Variants in FBLL1 observed in about 807,000 individuals in gnomAD.
The protein encoded by FBLL1 is fibrillarin like rRNA 2'-O-methyltransferase 1.
FBLL1 carries 6 observed loss-of-function variants against 5.7 expected under a neutral mutation model. The observed-to-expected ratio is 1.05, with a 90% CI of 0.57 to 2.07. The LOEUF is 2.07. FBLL1 is among the 30% of genes most tolerant of loss of function. The probability of loss-of-function intolerance (pLI) is 0.00; values close to 1 mark genes in which losing one functional copy is unlikely to be tolerated. For missense variants in FBLL1, 258 were observed against 165.2 expected (o/e 1.56, Z -3.08); for synonymous variants, 133 against 75.1 (o/e 1.77, Z -3.99).
chr5:168,530,307 A>G lies in FBLL1; in HGVS notation c.803A>G (p.Asn268Ser), dbSNP rs201483436. Residue 268 changes from asparagine to serine, a missense_variant, in exon 1 of 1, where the codon AAT (asparagine) becomes AGT (serine). By Grantham distance (46) the Asn-to-Ser change is conservative (BLOSUM62 1). Transcript: ENST00000338333. The surrounding 1 kb of genome is among the most constrained non-coding windows in gnomAD (Gnocchi z 4.9). Reference sequence around the variant, plus strand: ...CTGAACGCCCACACCTTCCTGCGCAATGGGGGCCACTTTCTCATCTCCATC... The same window carrying G: ...CTGAACGCCCACACCTTCCTGCGCAGTGGGGGCCACTTTCTCATCTCCATC... ...VALNAHTFLR[N>S]GGHFLISIKA... The G allele has an allele frequency of 1.8e-5, 14 of 765,702 alleles. No individual in the cohort carries two copies. The highest frequency in any genetic ancestry group is 2.9e-5 in the Non-Finnish European group (12 of 417,990). 47.4% of individuals were successfully genotyped at this position (765,702 alleles called of 1,614,324 possible).
chr5:168,529,591 C>A lies in FBLL1; in HGVS notation c.87C>A (p.Gly29=), dbSNP rs1455637855. 1 of 145,640 alleles carries A rather than the reference C, an allele frequency of 6.9e-6. No homozygotes were observed. Among genetic ancestry groups the A allele is most frequent in the Non-Finnish European group, 1.5e-5 (1 of 65,374 alleles). 9.0% of individuals were successfully genotyped at this position (145,640 alleles called of 1,614,324 possible). ...GCAGCTGGGGCGGGGGCCGAGGCGG[C>A]GGCGGCGGCGCGGGCAAGGGCGGCG... ...GWGSWGGGRG[G]GGGAGKGGGG... Residue 29 remains glycine, a synonymous_variant, in exon 1 of 1, where the codon GGC becomes GGA. Transcript: ENST00000338333. This position sits in a 1 kb window ranked among gnomAD's most constrained non-coding sequence, Gnocchi z 7.2.
Position 168,530,329 on chromosome 5 carries a change from C to T in FBLL1, c.825C>T (p.Ser275=), listed in dbSNP as rs766551431. The part of the protein sequence containing the change: ...FLRNGGHFLI[S]IKANCIDSTA... The stretch of plus-strand genomic sequence containing the variant: ...GCAATGGGGGCCACTTTCTCATCTC[C>T]ATCAAGGCCAACTGCATCGACTCCA... The change falls in exon 1 of 1, where the codon TCC becomes TCT. Residue 275 remains serine (S), a synonymous_variant. Transcript: ENST00000338333. The surrounding 1 kb of genome is among the most constrained non-coding windows in gnomAD (Gnocchi z 4.9). 1.3e-6 allele frequency: 1 copy of T among 765,672 alleles called. No individual in the cohort carries two copies. The highest frequency in any genetic ancestry group is 2.3e-4 in the Middle Eastern group (1 of 4,438). The allele number at this position is 765,672 out of a possible 1,614,324, so 47.4% of individuals were successfully genotyped here.
Position 168,530,123 on chromosome 5 carries a change from C to T in FBLL1, c.619C>T (p.Arg207Cys), listed in dbSNP as rs1294267010. 1.3e-6 allele frequency: 1 copy of T among 762,780 alleles called. No individual in the cohort carries two copies. Among genetic ancestry groups the T allele is most frequent in the Non-Finnish European group, 2.4e-6 (1 of 416,912 alleles). The allele number at this position is 762,780 out of a possible 1,614,324, so 47.3% of individuals were successfully genotyped here. A position where few individuals can be genotyped will look rare whatever the true frequency, so the allele number is the denominator to read the frequency against. The change falls in exon 1 of 1, where the codon CGC becomes TGC. Residue 207 changes from arginine (R) to cysteine (C), a missense_variant. Physicochemically the swap from Arg to Cys is radical, Grantham distance 180. Transcript: ENST00000338333. This position sits in a 1 kb window ranked among gnomAD's most constrained non-coding sequence, Gnocchi z 4.9. Reference protein sequence around the residue: ...GLVYAVEFSHRAGRDLVNVAK... With the variant: ...GLVYAVEFSHCAGRDLVNVAK... Reference sequence around the variant, plus strand: ...GGTCTACGCCGTCGAGTTCTCCCACCGCGCCGGCCGCGATCTGGTCAACGT... The same window carrying T: ...GGTCTACGCCGTCGAGTTCTCCCACTGCGCCGGCCGCGATCTGGTCAACGT...
rs1016783969 is a variant in FBLL1 at position 168,530,598 on chromosome 5, T to C, written c.*89T>C. 13 of 621,026 alleles carry C rather than the reference T, an allele frequency of 2.1e-5. No individual in the cohort carries two copies. Among genetic ancestry groups the C allele is most frequent in the Non-Finnish European group, 3.7e-5 (13 of 349,286 alleles). 38.5% of individuals were successfully genotyped at this position (621,026 alleles called of 1,614,324 possible). On this transcript the variant is annotated 3_prime_UTR_variant, in exon 1 of 1. Coordinates refer to ENST00000338333, the MANE Select transcript of FBLL1 (RefSeq NM_001355274.2). This position sits in a 1 kb window ranked among gnomAD's most constrained non-coding sequence, Gnocchi z 4.9. Reference sequence around the variant, plus strand: ...GTGTTTTCTTTGTGAGTGTTTTGTTTTGTTGTTTTTCTATTAAACTGCATA... The same window carrying C: ...GTGTTTTCTTTGTGAGTGTTTTGTTCTGTTGTTTTTCTATTAAACTGCATA...
Position 168,529,916 on chromosome 5 carries a change from A to C in FBLL1, c.412A>C (p.Thr138Pro), listed in dbSNP as rs769915880. 29 of 727,794 alleles carry C rather than the reference A, an allele frequency of 4.0e-5. No individual in the cohort carries two copies. The East Asian group carries it at 4.8e-4, about 12-fold the overall frequency. 45.1% of individuals were successfully genotyped at this position (727,794 alleles called of 1,614,324 possible). Residue 138 changes from threonine (T) to proline (P), a missense_variant, in exon 1 of 1, where the codon ACC becomes CCC. By Grantham distance (38) the Thr-to-Pro change is conservative. Transcript: ENST00000338333. This position sits in a 1 kb window ranked among gnomAD's most constrained non-coding sequence, Gnocchi z 7.2. ...GTACGGCGAGAGGCGCGTCACGGTG[A>C]CCGAGGGCGGCGTGAAGCAGGAGTA... ...SVYGERRVTV[T>P]EGGVKQEYRT...
At position 168,530,496 on chromosome 5, in the gene FBLL1, G is replaced by A. The variant is rs754349534; in HGVS notation, c.992G>A (p.Ser331Asn). The change falls in exon 1 of 1, where the codon AGC (serine) becomes AAC (asparagine). Residue 331 changes from serine (S) to asparagine (N), a missense_variant. Physicochemically the swap from Ser to Asn is conservative, Grantham distance 46. Transcript: ENST00000338333. This position sits in a 1 kb window ranked among gnomAD's most constrained non-coding sequence, Gnocchi z 4.9. ...GGGGTCTACCGACCTCTTCCCAAGA[G>A]CAGCAGCAAATAGCACCCAGCTCAG... is the stretch of plus-strand genomic sequence containing the variant. ...VVGVYRPLPK[S>N]SSK The A allele has an allele frequency of 1.3e-6, 1 of 761,674 alleles. No individual in the cohort carries two copies. Among genetic ancestry groups the A allele is most frequent in the East Asian group, 2.4e-5 (1 of 41,202 alleles). The allele number at this position is 761,674 out of a possible 1,614,324, so 47.2% of individuals were successfully genotyped here. A position where few individuals can be genotyped will look rare whatever the true frequency, so the allele number is the denominator to read the frequency against.
chr5:168,530,361 C>G lies in FBLL1; in HGVS notation c.857C>G (p.Ser286Cys), dbSNP rs942955796. Residue 286 changes from serine to cysteine, a missense_variant, in exon 1 of 1, where the codon TCC (serine) becomes TGC (cysteine). Transcript: ENST00000338333. The surrounding 1 kb of genome is among the most constrained non-coding windows in gnomAD (Gnocchi z 4.9). ...GCCAACTGCATCGACTCCACCGCAT[C>G]CGCCGAGGCTGTGTTTGCTTCTGAG... ...IKANCIDSTA[S>C]AEAVFASEVR... 7 of 765,364 alleles carry G rather than the reference C, an allele frequency of 9.1e-6. No homozygotes were observed. Among genetic ancestry groups the G allele is most frequent in the African/African-American group, 6.8e-5 (4 of 59,140 alleles). The allele number at this position is 765,364 out of a possible 1,614,324, so 47.4% of individuals were successfully genotyped here.
Position 168,529,819 on chromosome 5 carries a change from C to T in FBLL1, c.315C>T (p.His105=), listed in dbSNP as rs1170598855. ...AMVVSVEPHR[H]EGVFIYRGAE... is the part of the protein sequence containing the mutation. ...TGGTGTCGGTGGAGCCGCACCGGCA[C>T]GAGGGCGTCTTCATCTACCGCGGGG... The change falls in exon 1 of 1, where the codon CAC becomes CAT. Residue 105 remains histidine, a synonymous_variant. Coordinates refer to ENST00000338333, the MANE Select transcript of FBLL1 (RefSeq NM_001355274.2). This position sits in a 1 kb window ranked among gnomAD's most constrained non-coding sequence, Gnocchi z 7.2. The T allele has an allele frequency of 4.3e-6, 3 of 701,372 alleles. No individual in the cohort carries two copies. The highest frequency in any genetic ancestry group is 7.8e-6 in the Non-Finnish European group (3 of 384,726). The allele number at this position is 701,372 out of a possible 1,614,324, so 43.4% of individuals were successfully genotyped here.
chr5:168,530,474 G>T lies in FBLL1; in HGVS notation c.970G>T (p.Val324Phe). The T allele has an allele frequency of 1.3e-6, 1 of 763,282 alleles. No homozygotes were observed. The highest frequency in any genetic ancestry group is 2.4e-6 in the Non-Finnish European group (1 of 417,116). The allele number at this position is 763,282 out of a possible 1,614,324, so 47.3% of individuals were successfully genotyped here. ...YERDHAVVVG[V>F]YRPLPKSSSK ...GCGGGACCACGCTGTGGTGGTCGGG[G>T]TCTACCGACCTCTTCCCAAGAGCAG... The change falls in exon 1 of 1, where the codon GTC (valine) becomes TTC (phenylalanine). Residue 324 changes from valine to phenylalanine, a missense_variant. Coordinates refer to ENST00000338333, the MANE Select transcript of FBLL1 (RefSeq NM_001355274.2). The surrounding 1 kb of genome is among the most constrained non-coding windows in gnomAD (Gnocchi z 4.9).
chr5:168,529,422 G>A lies in FBLL1; in HGVS notation c.-83G>A, dbSNP rs1005734759. 2.0e-5 allele frequency: 3 copies of A among 153,788 alleles called. No homozygotes were observed. The highest frequency in any genetic ancestry group is 1.9e-4 in the East Asian group (1 of 5,246). The allele number at this position is 153,788 out of a possible 1,614,324, so 9.5% of individuals were successfully genotyped here. On this transcript the variant is annotated 5_prime_UTR_variant, in exon 1 of 1. Coordinates refer to ENST00000338333, the MANE Select transcript of FBLL1 (RefSeq NM_001355274.2). The surrounding 1 kb of genome is among the most constrained non-coding windows in gnomAD (Gnocchi z 7.2). ...CTGCTAAACCCGCGGACAACCGCCG[G>A]GACGACCACCCAGAGCCACCAGAGC...
Position 168,530,157 on chromosome 5 carries a change from A to G in FBLL1, c.653A>G (p.Lys218Arg), listed in dbSNP as rs1421992323. ...AGRDLVNVAK[K>R]RTNIIPVLED... ...CGCGATCTGGTCAACGTGGCCAAGAAGCGCACCAACATCATTCCGGTCCTG... is the reference window on the plus strand; with the variant it reads ...CGCGATCTGGTCAACGTGGCCAAGAGGCGCACCAACATCATTCCGGTCCTG... The change falls in exon 1 of 1, where the codon AAG becomes AGG. Residue 218 changes from lysine (K) to arginine (R), a missense_variant. Coordinates refer to ENST00000338333, the MANE Select transcript of FBLL1 (RefSeq NM_001355274.2). The surrounding 1 kb of genome is among the most constrained non-coding windows in gnomAD (Gnocchi z 4.9). 3.9e-6 allele frequency: 3 copies of G among 765,084 alleles called. No individual in the cohort carries two copies. The highest frequency in any genetic ancestry group is 7.2e-6 in the Non-Finnish European group (3 of 417,762). 47.4% of individuals were successfully genotyped at this position (765,084 alleles called of 1,614,324 possible).
Position 168,529,890 on chromosome 5 carries a change from T to C in FBLL1, c.386T>C (p.Val129Ala), listed in dbSNP as rs750134689. 5 of 720,554 alleles carry C rather than the reference T, an allele frequency of 6.9e-6. No homozygotes were observed. Among genetic ancestry groups the C allele is most frequent in the Admixed American group, 1.9e-5 (1 of 52,518 alleles). The allele number at this position is 720,554 out of a possible 1,614,324, so 44.6% of individuals were successfully genotyped here. A position where few individuals can be genotyped will look rare whatever the true frequency, so the allele number is the denominator to read the frequency against. Reference protein sequence around the residue: ...VTLNMVPGQSVYGERRVTVTE... With the variant: ...VTLNMVPGQSAYGERRVTVTE... ...CTGAACATGGTGCCGGGCCAGTCTG[T>C]GTACGGCGAGAGGCGCGTCACGGTG... Residue 129 changes from valine to alanine, a missense_variant, in exon 1 of 1, where the codon GTG becomes GCG. By Grantham distance (64) the Val-to-Ala change is moderately conservative (BLOSUM62 0). Transcript: ENST00000338333. The surrounding 1 kb of genome is among the most constrained non-coding windows in gnomAD (Gnocchi z 7.2).
rs1758932745 is a variant in FBLL1 at position 168,529,477 on chromosome 5, A to G, written c.-28A>G. On this transcript the variant is annotated 5_prime_UTR_variant, in exon 1 of 1. Transcript: ENST00000338333. The surrounding 1 kb of genome is among the most constrained non-coding windows in gnomAD (Gnocchi z 7.2). ...TGACACCCGCCCCGAGGCACCGGTA[A>G]CCCACGGCACCCGCCCCGGTGCGTG... The G allele has an allele frequency of 1.3e-5, 2 of 154,606 alleles. No homozygotes were observed. Among genetic ancestry groups the G allele is most frequent in the Non-Finnish European group, 2.9e-5 (2 of 69,242 alleles). The allele number at this position is 154,606 out of a possible 1,614,324, so 9.6% of individuals were successfully genotyped here. A position where few individuals can be genotyped will look rare whatever the true frequency, so the allele number is the denominator to read the frequency against.
rs1758937261 is a variant in FBLL1 at position 168,529,611 on chromosome 5, G to C, written c.107G>C (p.Gly36Ala). Residue 36 changes from glycine (G) to alanine (A), a missense_variant, in exon 1 of 1, where the codon GGC becomes GCC. Transcript: ENST00000338333. The surrounding 1 kb of genome is among the most constrained non-coding windows in gnomAD (Gnocchi z 7.2). Reference protein sequence around the residue: ...GRGGGGGAGKGGGGDGGGQGG... With the variant: ...GRGGGGGAGKAGGGDGGGQGG... ...GGCGGCGGCGGCGGCGCGGGCAAGG[G>C]CGGCGGGGGCGACGGCGGCGGCCAG... The C allele has an allele frequency of 1.4e-5, 2 of 146,048 alleles. No individual in the cohort carries two copies. The highest frequency in any genetic ancestry group is 3.6e-4 in the South Asian group (2 of 5,522). 9.0% of individuals were successfully genotyped at this position (146,048 alleles called of 1,614,324 possible). A position where few individuals can be genotyped will look rare whatever the true frequency, so the allele number is the denominator to read the frequency against.
Position 168,529,687 on chromosome 5 carries a change from CCGGGGCCGGG to C in FBLL1, c.184_193del (p.Arg62GlyfsTer57), listed in dbSNP as rs1425889120. ...GGGCGCGCGGCTTCGGCGGGGGCGG[CCGGGGCCGGG>C]GGCGCGGCGGCGGCGACGGCAAGGA... On this transcript the variant is annotated frameshift_variant, in exon 1 of 1. Coordinates refer to ENST00000338333, the MANE Select transcript of FBLL1 (RefSeq NM_001355274.2). LOFTEE classifies it low-confidence loss of function (END_TRUNC). The surrounding 1 kb of genome is among the most constrained non-coding windows in gnomAD (Gnocchi z 7.2). 3.5e-6 allele frequency: 1 copy of C among 289,290 alleles called. No homozygotes were observed. Among genetic ancestry groups the C allele is most frequent in the Non-Finnish European group, 6.4e-6 (1 of 156,572 alleles). The allele number at this position is 289,290 out of a possible 1,614,324, so 17.9% of individuals were successfully genotyped here.
Position 168,530,398 on chromosome 5 carries a change from G to A in FBLL1, c.894G>A (p.Leu298=). Residue 298 remains leucine, a synonymous_variant, in exon 1 of 1, where the codon TTG becomes TTA. Transcript: ENST00000338333. The surrounding 1 kb of genome is among the most constrained non-coding windows in gnomAD (Gnocchi z 4.9). ...TGTTTGCTTCTGAGGTGAGGAAGTT[G>A]CAGCAGGAGAACTTGAAGCCTCAAG... ...EAVFASEVRK[L]QQENLKPQEQ... 1.3e-6 allele frequency: 1 copy of A among 764,874 alleles called. No homozygotes were observed. Among genetic ancestry groups the A allele is most frequent in the Non-Finnish European group, 2.4e-6 (1 of 417,688 alleles). The allele number at this position is 764,874 out of a possible 1,614,324, so 47.4% of individuals were successfully genotyped here.
rs1758960491 is a variant in FBLL1 at position 168,530,477 on chromosome 5, T to A, written c.973T>A (p.Tyr325Asn). 1.3e-6 allele frequency: 1 copy of A among 762,980 alleles called. No individual in the cohort carries two copies. Among genetic ancestry groups the A allele is most frequent in the Admixed American group, 1.7e-5 (1 of 58,702 alleles). 47.3% of individuals were successfully genotyped at this position (762,980 alleles called of 1,614,324 possible). The change falls in exon 1 of 1, where the codon TAC becomes AAC. Residue 325 changes from tyrosine to asparagine, a missense_variant. Physicochemically the swap from Tyr to Asn is moderately radical, Grantham distance 143. Coordinates refer to ENST00000338333, the MANE Select transcript of FBLL1 (RefSeq NM_001355274.2). The surrounding 1 kb of genome is among the most constrained non-coding windows in gnomAD (Gnocchi z 4.9). ...ERDHAVVVGV[Y>N]RPLPKSSSK ...GGACCACGCTGTGGTGGTCGGGGTCTACCGACCTCTTCCCAAGAGCAGCAG... is the reference window on the plus strand; with the variant it reads ...GGACCACGCTGTGGTGGTCGGGGTCAACCGACCTCTTCCCAAGAGCAGCAG...
At position 168,529,956 on chromosome 5, in the gene FBLL1, C is replaced by G; in HGVS notation, c.452C>G (p.Pro151Arg). The stretch of plus-strand genomic sequence containing the variant: ...AAGCAGGAGTACCGCACGTGGAACC[C>G]GTTCCGCTCTAAGCTGGCCGCGGCC... ...GVKQEYRTWNPFRSKLAAAIL... is the reference protein window; with the variant it reads ...GVKQEYRTWNRFRSKLAAAIL... The change falls in exon 1 of 1, where the codon CCG becomes CGG. Residue 151 changes from proline to arginine, a missense_variant. Physicochemically the swap from Pro to Arg is moderately radical, Grantham distance 103 (BLOSUM62 -2). Transcript: ENST00000338333. The surrounding 1 kb of genome is among the most constrained non-coding windows in gnomAD (Gnocchi z 7.2). 2.7e-6 allele frequency: 2 copies of G among 743,806 alleles called. No individual in the cohort carries two copies. Among genetic ancestry groups the G allele is most frequent in the South Asian group, 1.4e-5 (1 of 70,800 alleles). 46.1% of individuals were successfully genotyped at this position (743,806 alleles called of 1,614,324 possible). A position where few individuals can be genotyped will look rare whatever the true frequency, so the allele number is the denominator to read the frequency against.
Position 168,529,538 on chromosome 5 carries a change from G to T in FBLL1, c.34G>T (p.Gly12Trp). 1 of 151,186 alleles carries T rather than the reference G, an allele frequency of 6.6e-6. No homozygotes were observed. Among genetic ancestry groups the T allele is most frequent in the South Asian group, 1.8e-4 (1 of 5,610 alleles). The allele number at this position is 151,186 out of a possible 1,614,324, so 9.4% of individuals were successfully genotyped here. A position where few individuals can be genotyped will look rare whatever the true frequency, so the allele number is the denominator to read the frequency against. Residue 12 changes from glycine to tryptophan, a missense_variant, in exon 1 of 1, where the codon GGG becomes TGG. Gly to Trp is a radical substitution (Grantham distance 184). Coordinates refer to ENST00000338333, the MANE Select transcript of FBLL1 (RefSeq NM_001355274.2). The surrounding 1 kb of genome is among the most constrained non-coding windows in gnomAD (Gnocchi z 7.2). Reference sequence around the variant, plus strand: ...GGCCGCGAGCTCGCGCGGGGGCGGTGGGGGCGGCCGCGGGGGCGGCGGCTG... The same window carrying T: ...GGCCGCGAGCTCGCGCGGGGGCGGTTGGGGCGGCCGCGGGGGCGGCGGCTG... Reference protein sequence around the residue: ...KSAASSRGGGGGGRGGGGWGS... With the variant: ...KSAASSRGGGWGGRGGGGWGS...
Sources: allele counts gnomAD v4.1 joint callset, GRCh38; gene constraint gnomAD v4.1.1; non-coding constraint Gnocchi (gnomAD v3.1); transcripts MANE v1.5; gene names NCBI Gene and HGNC (gene_info 2026-07-23, HGNC 2026-07-21).